RARB: variants seen among roughly 807,000 people sequenced by gnomAD.
The protein encoded by RARB is retinoic acid receptor beta, also known as HBV-activated protein.
Under a neutral mutation model 51.9 loss-of-function variants are expected in RARB, and 17 were observed. The ratio of observed to expected loss-of-function variants is 0.33; its 90% confidence interval spans 0.22 to 0.49. RARB has a LOEUF of 0.49. Ranked by LOEUF, RARB falls within the 20% of genes least tolerant of loss-of-function variation. RARB has a pLI of 0.99. For synonymous variants in RARB, 215 were observed against 195.4 expected (o/e 1.10, Z -0.84); for missense variants, 369 against 550.8 (o/e 0.67, Z 3.30).
chr3:24,999,857 G>A (rs1382680430), intron 2 of RARB, among the ~76,000 whole-genome samples: 4 of 152,062 alleles, frequency 2.6e-5, no homozygotes, highest in African/African-American at 9.7e-5. Context: ...TAGCAAAAAT[G>A]GCCCCAGACA....
At chr3:25,123,047 A>T (rs1369459903) in intron 3 of RARB, among the ~76,000 whole-genome samples, 1 of 152,010 alleles carries the variant, frequency 6.6e-6, no homozygotes. Flanking sequence ...ATGAATGGCA[A>T]CAATTCAATT....
chr3:24,855,492 T>TCAGCTTTC (rs1405568989), intron 1 of RARB, among the ~76,000 whole-genome samples: 1 of 152,184 alleles, frequency 6.6e-6, no homozygotes, highest in African/African-American at 2.4e-5. Flanking sequence ...TTTTTGGACC[T>TCAGCTTTC]CAGCTTTCCT....
intron 2 of RARB, among the ~76,000 whole-genome samples, chr3:25,027,205 TAAAC>T (rs1246089157): frequency 1.4e-5 from 2 of 140,630 alleles, no homozygotes; most frequent in Non-Finnish European, 3.1e-5. Flanking sequence ...TGGGAGAAAA[TAAAC>T]AGGAAGAATC....
intron 2 of RARB, among the ~76,000 whole-genome samples, chr3:25,026,122 T>G (rs183451164): frequency 6.6e-6 from 1 of 152,240 alleles, no homozygotes; most frequent in African/African-American, 2.4e-5. Context: ...ATAAAAGCCG[T>G]GGGCCTTCTT....
intron 2 of RARB, among the ~76,000 whole-genome samples, chr3:25,018,948 C>T (rs1475179156): frequency 6.6e-6 from 1 of 152,172 alleles, no homozygotes; most frequent in Middle Eastern, 3.2e-3. Flanking sequence ...ATGCTACTAA[C>T]CCAAAACCTA....
At chr3:25,004,591 C>A (rs1697230977) in intron 2 of RARB, among the ~76,000 whole-genome samples, 1 of 152,096 alleles carries the variant, frequency 6.6e-6, no homozygotes, top group East Asian at 1.9e-4. Flanking sequence ...ATGGTCTCAC[C>A]TCTTAATAGT....
At chr3:25,262,894 T>C (rs372432555) in intron 5 of RARB, among the ~76,000 whole-genome samples, 1 of 152,220 alleles carries the variant, frequency 6.6e-6, no homozygotes, top group Non-Finnish European at 1.5e-5. Context: ...TCATTCCACA[T>C]TAGTAAATAT....
chr3:25,338,631 C>G (rs530009955), intron 5 of RARB, among the ~76,000 whole-genome samples: 1 of 152,318 alleles, frequency 6.6e-6, no homozygotes, highest in South Asian at 2.1e-4. Context: ...GCAAACCAAA[C>G]TCATCTGCAC....
chr3:24,915,757 C>G (rs1695094642), intron 2 of RARB, among the ~76,000 whole-genome samples: 1 of 152,188 alleles, frequency 6.6e-6, no homozygotes, highest in Admixed American at 6.5e-5. Context: ...CACCAAATAG[C>G]TTTCTTCTGG....
At chr3:25,108,055 G>T (rs931341323) in intron 3 of RARB, among the ~76,000 whole-genome samples, 4 of 152,052 alleles carry the variant, frequency 2.6e-5, no homozygotes, top group African/African-American at 9.7e-5. Flanking sequence ...TCTGATCACC[G>T]AGCTCTATTA....
At chr3:24,955,723 C>G (rs1258978797) in intron 2 of RARB, among the ~76,000 whole-genome samples, 1 of 151,954 alleles carries the variant, frequency 6.6e-6, no homozygotes, top group African/African-American at 2.4e-5. Context: ...GGGATGTTAA[C>G]AATTTTTTTC....
chr3:25,484,256 C>G (rs1023728664), intron 2 of RARB, among the ~76,000 whole-genome samples: 3 of 152,098 alleles, frequency 2.0e-5, no homozygotes, highest in Non-Finnish European at 1.5e-5. Context: ...TCCTACCACC[C>G]TTGTAACATT....
intron 5 of RARB, among the ~76,000 whole-genome samples, chr3:25,188,115 A>G (rs1356569874): frequency 6.6e-6 from 1 of 152,092 alleles, no homozygotes; most frequent in Non-Finnish European, 1.5e-5. Flanking sequence ...TAACATATAT[A>G]TTGTATATGT....
At chr3:25,498,361 A>G (rs1053645446) in intron 2 of RARB, among the ~76,000 whole-genome samples, 1 of 152,166 alleles carries the variant, frequency 6.6e-6, no homozygotes, top group Non-Finnish European at 1.5e-5. Context: ...GAGGAGGAGA[A>G]TTTTTATGAT....
chr3:25,536,612 A>G (rs1322506255), intron 3 of RARB, among the ~76,000 whole-genome samples: 2 of 152,210 alleles, frequency 1.3e-5, no homozygotes, highest in East Asian at 3.8e-4. Flanking sequence ...AACAATCAAC[A>G]ATTTTTATCT....
intron 5 of RARB, among the ~76,000 whole-genome samples, chr3:25,192,106 T>C (rs1701118259): frequency 6.6e-6 from 1 of 152,152 alleles, no homozygotes; most frequent in Admixed American, 6.6e-5. Context: ...CTTTGGATCT[T>C]GTAGGACATG....
intron 5 of RARB, among the ~76,000 whole-genome samples, chr3:25,422,658 C>T (rs981957744): frequency 7.3e-5 from 11 of 151,458 alleles, no homozygotes; most frequent in Non-Finnish European, 1.6e-4. Context: ...AAATTACCAG[C>T]CAAGAGAGAA....
At chr3:24,965,088 C>T (rs1262625819) in intron 2 of RARB, among the ~76,000 whole-genome samples, 1 of 152,092 alleles carries the variant, frequency 6.6e-6, no homozygotes, top group Non-Finnish European at 1.5e-5. Context: ...ATCCTTTCTA[C>T]ATTGGGTGCT....
intron 3 of RARB, among the ~76,000 whole-genome samples, chr3:25,518,774 GAAC>G (rs1167526647): frequency 4.6e-5 from 7 of 151,998 alleles, no homozygotes; most frequent in Non-Finnish European, 1.0e-4. Context: ...TTTTATTTTA[GAAC>G]ATTTTTCTCT....
Sources: allele counts gnomAD v4.1 joint callset (sites outside exome capture counted in the v4.1 genomes callset), GRCh38; gene constraint gnomAD v4.1.1; transcripts MANE v1.5; gene names NCBI Gene and HGNC (gene_info 2026-07-23, HGNC 2026-07-21).